The following RAP1GAP2 variants were observed in gnomAD, a reference collection of about 807,000 sequenced individuals.
RAP1GAP2 encodes RAP1 GTPase activating protein 2.
A neutral mutation model predicts 95.0 loss-of-function variants in RAP1GAP2; 27 were observed. The observed-to-expected ratio is 0.28, with a 90% confidence interval of 0.21 to 0.39. RAP1GAP2 has a LOEUF of 0.39. Ranked by LOEUF, RAP1GAP2 falls within the 10% of genes least tolerant of loss-of-function variation. The pLI is 1.00. For missense variants in RAP1GAP2, 771 were observed against 970.0 expected (o/e 0.79, Z 2.72); for synonymous variants, 373 against 380.9 (o/e 0.98, Z 0.24).
At chr17:2,834,613 G>A (rs1240117162) in intron 2 of RAP1GAP2, among the ~76,000 whole-genome samples, 2 of 152,116 alleles carry the variant, frequency 1.3e-5, no homozygotes, top group African/African-American at 4.8e-5. Flanking sequence ...CTTGGGCAAC[G>A]TGGCAAAACC....
chr17:2,853,943 C>T (rs2072009826), intron 2 of RAP1GAP2: 1 of 982,212 alleles, frequency 1.0e-6, no homozygotes, highest in Non-Finnish European at 1.2e-6. Context: ...CGCGCGGAGC[C>T]GGGGCTGCGG....
chr17:2,873,451 G>A (rs998268772), intron 2 of RAP1GAP2, among the ~76,000 whole-genome samples: 25 of 107,236 alleles, frequency 2.3e-4, no homozygotes, highest in Admixed American at 6.8e-4. Context: ...CTCCAGCCAG[G>A]GTAATAGAAT....
At position 2,867,931 on chromosome 17, in the gene RAP1GAP2, C is replaced by CCAA. The variant is rs1567724165; in HGVS notation, c.81-37353_81-37352insCAA. Among the ~76,000 whole-genome samples, 1 of 152,140 alleles carries CCAA rather than the reference C, an allele frequency of 6.6e-6. No homozygotes were observed. Among genetic ancestry groups the CCAA allele is most frequent in the Admixed American group, 6.6e-5 (1 of 15,266 alleles). Reference sequence around the variant, plus strand: ...CTTTCTTCTTCACGGATGCAGCTCGCGGGATCCCCAAGCCTTTGGTAGTAA... The same window carrying CCAA: ...CTTTCTTCTTCACGGATGCAGCTCGCCAAGGGATCCCCAAGCCTTTGGTAGTAA... On this transcript the variant is annotated intron_variant, in intron 2 of 24. Transcript: ENST00000254695. The surrounding 1 kb of genome is among the most constrained non-coding windows in gnomAD (Gnocchi z 4.5).
intron 3 of RAP1GAP2, among the ~76,000 whole-genome samples, chr17:2,952,087 A>G (rs1476089643): frequency 2.6e-5 from 4 of 152,158 alleles, no homozygotes; most frequent in Admixed American, 2.6e-4. Context: ...GGGAAAAATC[A>G]TCTGTACCTT....
chr17:2,819,318 CT>C (rs75707961), intron 2 of RAP1GAP2, among the ~76,000 whole-genome samples: 282 of 134,580 alleles, frequency 2.1e-3, no homozygotes, highest in Middle Eastern at 4.6e-3. Flanking sequence ...CCATGCCTTG[CT>C]TTTTTTTTTT....
At chr17:2,984,234 A>G (rs1260864128) in intron 10 of RAP1GAP2, among the ~76,000 whole-genome samples, 1 of 152,034 alleles carries the variant, frequency 6.6e-6, no homozygotes, top group African/African-American at 2.4e-5. Context: ...TGTAATCCCA[A>G]CTACTCGGGA....
intron 1 of RAP1GAP2, among the ~76,000 whole-genome samples, chr17:2,763,382 G>A (rs888255915): frequency 6.6e-6 from 1 of 152,186 alleles, no homozygotes; most frequent in African/African-American, 2.4e-5. Context: ...CATCCAGGCA[G>A]GCAGAGAAAT....
chr17:2,945,549 A>T (rs1597685015), intron 3 of RAP1GAP2, among the ~76,000 whole-genome samples: 3 of 148,420 alleles, frequency 2.0e-5, no homozygotes, highest in African/African-American at 4.9e-5. Flanking sequence ...TTTTGTTGCT[A>T]CTTCATCTTA....
At chr17:2,845,659 G>A (rs2071552881) in intron 2 of RAP1GAP2, among the ~76,000 whole-genome samples, 2 of 151,342 alleles carry the variant, frequency 1.3e-5, no homozygotes, top group Admixed American at 6.6e-5. Flanking sequence ...TCAGGAGTTC[G>A]AGACCAGCCT....
intron 2 of RAP1GAP2, among the ~76,000 whole-genome samples, chr17:2,841,969 T>C (rs2071389471): frequency 6.6e-6 from 1 of 152,206 alleles, no homozygotes; most frequent in Non-Finnish European, 1.5e-5. Context: ...GGCAGCTGCC[T>C]GTGCAACTGG....
chr17:2,895,853 C>T (rs536905061), intron 2 of RAP1GAP2, among the ~76,000 whole-genome samples: 10 of 152,254 alleles, frequency 6.6e-5, no homozygotes, highest in Admixed American at 5.2e-4. Flanking sequence ...GCTGGGATTA[C>T]ATCTGTGAGC....
At chr17:2,976,242 A>G (rs1255508527) in intron 8 of RAP1GAP2, among the ~76,000 whole-genome samples, 4 of 152,224 alleles carry the variant, frequency 2.6e-5, no homozygotes, top group Non-Finnish European at 5.9e-5. Context: ...GATCTTGGCT[A>G]ACATGTATTC....
At position 2,903,233 on chromosome 17, in the gene RAP1GAP2, G is replaced by A. The variant is rs1318453027; in HGVS notation, c.81-2051G>A. ...GAGGACCTGAGGGTGATGCCCTCCT[G>A]CTTGATCATTCTTCCTTTCCCCCAT... On this transcript the variant is annotated intron_variant, in intron 2 of 24. Transcript: ENST00000254695. This position sits in a 1 kb window ranked among gnomAD's most constrained non-coding sequence, Gnocchi z 4.1. 1.3e-5 allele frequency among the ~76,000 whole-genome samples: 2 copies of A among 152,120 alleles called. No individual in the cohort carries two copies. The highest frequency in any genetic ancestry group is 2.9e-5 in the Non-Finnish European group (2 of 68,036).
chr17:2,896,702 C>T (rs1401554015), intron 2 of RAP1GAP2, among the ~76,000 whole-genome samples: 1 of 152,218 alleles, frequency 6.6e-6, no homozygotes, highest in Non-Finnish European at 1.5e-5. Flanking sequence ...GAGGTTCTCC[C>T]AGGTGGTCTG....
chr17:2,974,745 A>C (rs536244724), intron 8 of RAP1GAP2, among the ~76,000 whole-genome samples: 1 of 152,292 alleles, frequency 6.6e-6, no homozygotes, highest in South Asian at 2.1e-4. Context: ...ATACAATCTT[A>C]GAGTTTGATG....
intron 3 of RAP1GAP2, among the ~76,000 whole-genome samples, chr17:2,954,206 G>A (rs1261063674): frequency 3.3e-5 from 5 of 152,190 alleles, no homozygotes; most frequent in African/African-American, 4.8e-5. Context: ...CCGGGTTCAC[G>A]CCATTCTCCT....
intron 3 of RAP1GAP2, among the ~76,000 whole-genome samples, chr17:2,913,612 C>T (rs1268583430): frequency 6.6e-6 from 1 of 152,120 alleles, no homozygotes; most frequent in Admixed American, 6.6e-5. Flanking sequence ...TTAAGGCCAA[C>T]TTGCTTATGC....
rs1307366847 is a variant in RAP1GAP2 at position 2,800,205 on chromosome 17, C to T, written c.45-310C>T. 3.0e-6 allele frequency: 3 copies of T among 985,302 alleles called. No homozygotes were observed. The East Asian group carries it at 3.4e-4, about 112-fold the overall frequency. 61.0% of individuals were successfully genotyped at this position (985,302 alleles called of 1,614,324 possible). On this transcript the variant is annotated intron_variant, in intron 1 of 24. Coordinates refer to ENST00000254695, the MANE Select transcript of RAP1GAP2 (RefSeq NM_015085.5). ...AGGCTGCATACAAAGTGCTTACGAT[C>T]CCTGGACCTGACGTGAGATACCTGA...
chr17:2,803,267 G>A (rs2069375957), intron 2 of RAP1GAP2, among the ~76,000 whole-genome samples: 1 of 152,152 alleles, frequency 6.6e-6, no homozygotes, highest in African/African-American at 2.4e-5. Context: ...TGATAGCTTG[G>A]GACAGTGTGT....
Sources: gnomAD v4.1 joint callset for allele counts (sites outside exome capture counted in the v4.1 genomes callset) on GRCh38, gnomAD v4.1.1 for gene constraint, Gnocchi (gnomAD v3.1) non-coding constraint, MANE v1.5 for transcripts, NCBI Gene and HGNC (gene_info 2026-07-23, HGNC 2026-07-21) for gene names.